Variants in ZMIZ1 observed in about 807,000 individuals in gnomAD.
ZMIZ1 encodes the protein zinc finger MIZ domain-containing protein 1.
ZMIZ1 carries 17 observed loss-of-function variants against 113.9 expected under a neutral mutation model. The observed-to-expected ratio is 0.15, with a 90% CI of 0.10 to 0.22. ZMIZ1 has a LOEUF of 0.22. Among genes scored for constraint, ZMIZ1 ranks in the 10% least tolerant of loss-of-function variants. ZMIZ1 has a pLI of 1.00. For synonymous variants in ZMIZ1, 607 were observed against 603.1 expected (o/e 1.01, Z -0.09); for missense variants, 1,059 against 1,477.8 (o/e 0.72, Z 4.65).
intron 7 of ZMIZ1, among the ~76,000 whole-genome samples, chr10:79,233,303 G>GC (rs1259852617): frequency 2.0e-5 from 3 of 152,226 alleles, no homozygotes; most frequent in Non-Finnish European, 4.4e-5. Context: ...GGCTGTTATA[G>GC]CAAAATACCT....
chr10:79,073,011 AG>A (rs1271956245), intron 1 of ZMIZ1, among the ~76,000 whole-genome samples: 1 of 152,192 alleles, frequency 6.6e-6, no homozygotes, highest in Non-Finnish European at 1.5e-5. Context: ...GAGAGGATGA[AG>A]GGAGAAGGCT....
chr10:79,186,043 A>G (rs1175095684), intron 4 of ZMIZ1, among the ~76,000 whole-genome samples: 1 of 152,176 alleles, frequency 6.6e-6, no homozygotes. Flanking sequence ...AAATGTGGCC[A>G]GTGTTCACTT....
At chr10:79,140,660 C>T (rs2132412239) in intron 3 of ZMIZ1, among the ~76,000 whole-genome samples, 1 of 152,274 alleles carries the variant, frequency 6.6e-6, no homozygotes, top group South Asian at 2.1e-4. Flanking sequence ...ATCCGTCCTT[C>T]CATCCAACTA....
chr10:79,278,256 T>C (rs941121032), intron 8 of ZMIZ1, among the ~76,000 whole-genome samples: 1 of 152,172 alleles, frequency 6.6e-6, no homozygotes, highest in Admixed American at 6.5e-5. Flanking sequence ...GCCTTGGTCA[T>C]AAGCCCTTTG....
At chr10:79,240,829 A>G (rs760682541) in intron 7 of ZMIZ1, among the ~76,000 whole-genome samples, 7 of 151,964 alleles carry the variant, frequency 4.6e-5, no homozygotes, top group East Asian at 3.9e-4. Context: ...TTCCTGGGCA[A>G]TGCCACCAGG....
At chr10:79,191,175 A>G (rs1847584595) in intron 4 of ZMIZ1, among the ~76,000 whole-genome samples, 1 of 152,072 alleles carries the variant, frequency 6.6e-6, no homozygotes, top group African/African-American at 2.4e-5. Flanking sequence ...GGGCTGATCT[A>G]GTTCTGTCTA....
intron 4 of ZMIZ1, among the ~76,000 whole-genome samples, chr10:79,176,610 G>A (rs1298375658): frequency 2.0e-5 from 3 of 150,328 alleles, no homozygotes; most frequent in African/African-American, 7.3e-5. Context: ...TCAGTTTACC[G>A]AGAATTTCCC....
At chr10:79,297,493 G>A in intron 13 of ZMIZ1, 120 bp from the exon 14 acceptor site, 1 of 814,684 alleles carries the variant, frequency 1.2e-6, no homozygotes, top group South Asian at 1.4e-5. Flanking sequence ...AATATACCCA[G>A]CAGTGGATGG....
At chr10:79,108,757 G>A (rs2132286336) in intron 1 of ZMIZ1, among the ~76,000 whole-genome samples, 1 of 152,172 alleles carries the variant, frequency 6.6e-6, no homozygotes, top group East Asian at 1.9e-4. Flanking sequence ...ACAGCAGGCA[G>A]CATCCTGATT....
intron 8 of ZMIZ1, among the ~76,000 whole-genome samples, chr10:79,280,541 C>T (rs2131988000): frequency 6.6e-6 from 1 of 151,542 alleles, no homozygotes; most frequent in South Asian, 2.1e-4. Flanking sequence ...TCCCAACGTG[C>T]TGGGATTACA....
rs755473093 is a variant in ZMIZ1, at chr10:79,300,846, C to A, written c.1923C>A (p.Arg641=). Residue 641 remains arginine (R), a synonymous_variant, in exon 17 of 25, where the codon CGC becomes CGA. Coordinates refer to ENST00000334512, the MANE Select transcript of ZMIZ1 (RefSeq NM_020338.4). ...ACGCCACGCCCCTCACCATTGAGCG[C>A]GGCGACAACAAGACCTCCCACAAGC... ...SVNATPLTIE[R]GDNKTSHKPL... is the part of the protein sequence containing the mutation. 4 of 1,613,546 alleles carry A rather than the reference C, an allele frequency of 2.5e-6. No individual in the cohort carries two copies. Among genetic ancestry groups the A allele is most frequent in the East Asian group, 2.2e-5 (1 of 44,882 alleles).
At chr10:79,101,994 C>T (rs1479390521) in intron 1 of ZMIZ1, among the ~76,000 whole-genome samples, 28 of 152,210 alleles carry the variant, frequency 1.8e-4, no homozygotes, top group Admixed American at 1.8e-3. Flanking sequence ...TCCCAGCCTC[C>T]CCATGGCACC....
At chr10:79,078,569 A>AC (rs1477712231) in intron 1 of ZMIZ1, among the ~76,000 whole-genome samples, 1 of 55,734 alleles carries the variant, frequency 1.8e-5, no homozygotes, top group African/African-American at 7.8e-5. Flanking sequence ...CCCACCCCCG[A>AC]CTTTTTTTTT....
intron 2 of ZMIZ1, among the ~76,000 whole-genome samples, chr10:79,131,451 T>G (rs1844765413): frequency 6.6e-6 from 1 of 152,172 alleles, no homozygotes; most frequent in African/African-American, 2.4e-5. Flanking sequence ...CCTCGGTCCC[T>G]TCCCCACCCC....
Position 79,180,534 on chromosome 10 carries a change from G to A in ZMIZ1, c.-50+18401G>A, listed in dbSNP as rs117783358. On this transcript the variant is annotated intron_variant, in intron 4 of 24. Transcript: ENST00000334512. ...CATCTGAGGGCGACATCCCCCAGTA[G>A]GCCCTGCCGCCCCTTTGCACAGTCT... Among the ~76,000 whole-genome samples the A allele has an allele frequency of 5.0e-3, 765 of 152,292 alleles. 20 individuals carry two copies. Among genetic ancestry groups the A allele is most frequent in the East Asian group, 0.033 (169 of 5,174 alleles).
intron 4 of ZMIZ1, among the ~76,000 whole-genome samples, chr10:79,190,092 C>A (rs542608284): frequency 6.6e-6 from 1 of 152,352 alleles, no homozygotes; most frequent in African/African-American, 2.4e-5. Flanking sequence ...GCTGTGGGGG[C>A]TGCCCAGGGC....
intron 16 of ZMIZ1, among the ~76,000 whole-genome samples, chr10:79,299,720 G>A (rs1035096234): frequency 6.6e-6 from 1 of 152,226 alleles, no homozygotes; most frequent in Non-Finnish European, 1.5e-5. Flanking sequence ...CACCTTCCAC[G>A]TGTGACCCAC....
At chr10:79,134,804 T>C (rs11002846) in intron 2 of ZMIZ1, among the ~76,000 whole-genome samples, 45,720 of 152,036 alleles carry the variant, frequency 0.3, 7,853 homozygotes, top group South Asian at 0.6. Flanking sequence ...AAAAAAGTAA[T>C]TGGTTTAAAG....
chr10:79,165,965 T>C (rs867934911), intron 4 of ZMIZ1, among the ~76,000 whole-genome samples: 727 of 12,264 alleles, frequency 0.059, 2 homozygotes, highest in African/African-American at 0.13. Context: ...TGTGTGTGTG[T>C]GTGTGTGTGT....
Sources: allele counts gnomAD v4.1 joint callset (sites outside exome capture counted in the v4.1 genomes callset), GRCh38; gene constraint gnomAD v4.1.1; transcripts MANE v1.5; gene names NCBI Gene and HGNC (gene_info 2026-07-23, HGNC 2026-07-21).